The following TNNI3K variants were observed in gnomAD, a reference collection of about 807,000 sequenced individuals.
TNNI3K encodes the protein serine/threonine-protein kinase TNNI3K.
Under a neutral mutation model 114.5 loss-of-function variants are expected in TNNI3K, and 140 were observed. That is an observed-to-expected ratio of 1.22 (90% CI 1.07 to 1.41). The LOEUF (loss-of-function observed/expected upper bound fraction) is 1.41, where lower values mean the gene tolerates loss of function less well. Ranked by LOEUF, TNNI3K falls within the 40% of genes most tolerant of loss-of-function variation. The probability of loss-of-function intolerance (pLI) is 0.00; values close to 1 mark genes in which losing one functional copy is unlikely to be tolerated. For synonymous variants in TNNI3K, 347 were observed against 347.5 expected, an observed-to-expected ratio of 1.00 and a Z score of 0.02; for missense variants, 1,125 against 1,007.6, an observed-to-expected ratio of 1.12 and a Z score of -1.58.
intron 5 of TNNI3K, among the ~76,000 whole-genome samples, chr1:74,306,056 T>C (rs1395924359): frequency 6.6e-6 from 1 of 152,194 alleles, no homozygotes; most frequent in Non-Finnish European, 1.5e-5. Context: ...TTTCCATCTT[T>C]ATATCTGTGT....
intron 20 of TNNI3K, among the ~76,000 whole-genome samples, chr1:74,440,361 A>T (rs1666322833): frequency 6.6e-6 from 1 of 152,170 alleles, no homozygotes; most frequent in African/African-American, 2.4e-5. Context: ...CTTGTAAAGT[A>T]GTTGTCAAAT....
Position 74,249,651 on chromosome 1 carries a change from C to T in TNNI3K, c.235+107C>T, listed in dbSNP as rs996956760. On this transcript the variant is annotated intron_variant, in intron 3 of 24. Transcript: ENST00000326637. ...AAGAATTCTATTCATACTCAATTTT[C>T]CCTTCTGCTTTGCCTTTTCCAACCT... The T allele has an allele frequency of 8.0e-6, 9 of 1,124,426 alleles. No homozygotes were observed. The African/African-American group carries it at 1.3e-4, about 16-fold the overall frequency. The allele number at this position is 1,124,426 out of a possible 1,614,324, so 69.7% of individuals were successfully genotyped here.
intron 20 of TNNI3K, among the ~76,000 whole-genome samples, chr1:74,444,636 A>AC (rs1043630193): frequency 5.9e-5 from 9 of 152,260 alleles, no homozygotes; most frequent in African/African-American, 2.2e-4. Context: ...CAATGCTATT[A>AC]CCATTAAGTA....
intron 17 of TNNI3K, among the ~76,000 whole-genome samples, chr1:74,422,076 A>G (rs1665426811): frequency 6.6e-6 from 1 of 151,636 alleles, no homozygotes; most frequent in Admixed American, 6.6e-5. Context: ...TGAGGAGATA[A>G]ATATATACTC....
At chr1:74,289,421 G>T (rs1331109578) in intron 5 of TNNI3K, among the ~76,000 whole-genome samples, 1 of 151,914 alleles carries the variant, frequency 6.6e-6, no homozygotes, top group Non-Finnish European at 1.5e-5. Context: ...CCTAACAAAA[G>T]AGAGTAATGG....
chr1:74,347,804 G>A (rs1022447605), intron 9 of TNNI3K, among the ~76,000 whole-genome samples: 63 of 152,162 alleles, frequency 4.1e-4, no homozygotes, highest in Non-Finnish European at 8.5e-4. Flanking sequence ...GTCTTCTTTT[G>A]AGAAGTGTCT....
At chr1:74,350,054 T>C (rs1351227185) in intron 9 of TNNI3K, among the ~76,000 whole-genome samples, 2 of 152,208 alleles carry the variant, frequency 1.3e-5, no homozygotes, top group South Asian at 4.1e-4. Context: ...GTTCTTTTAA[T>C]TGTGATGTTA....
chr1:74,417,034 A>T (rs1233160273), intron 17 of TNNI3K, among the ~76,000 whole-genome samples: 1 of 152,110 alleles, frequency 6.6e-6, no homozygotes. Flanking sequence ...TGTTTAAAAG[A>T]TATCTCTGTT....
At chr1:74,410,827 T>C (rs1664846248) in intron 17 of TNNI3K, among the ~76,000 whole-genome samples, 1 of 152,222 alleles carries the variant, frequency 6.6e-6, no homozygotes, top group Non-Finnish European at 1.5e-5. Context: ...TGGTGCCTTA[T>C]GAGGAATCAC....
intron 11 of TNNI3K, among the ~76,000 whole-genome samples, chr1:74,363,240 T>C (rs1279815892): frequency 6.6e-6 from 1 of 152,024 alleles, no homozygotes; most frequent in Admixed American, 6.6e-5. Context: ...TTTGGGTTTC[T>C]TTCCATGTAC....
intron 23 of TNNI3K, among the ~76,000 whole-genome samples, chr1:74,494,057 T>C (rs45594031): frequency 1.3e-5 from 2 of 152,244 alleles, no homozygotes; most frequent in Non-Finnish European, 2.9e-5. Context: ...GCTTCATAGA[T>C]ACCCTGAAGA....
At chr1:74,354,612 A>G (rs1661562342) in intron 11 of TNNI3K, among the ~76,000 whole-genome samples, 1 of 152,244 alleles carries the variant, frequency 6.6e-6, no homozygotes, top group African/African-American at 2.4e-5. Flanking sequence ...TTGCTTAAGT[A>G]TAAAATTATC....
intron 5 of TNNI3K, among the ~76,000 whole-genome samples, chr1:74,308,610 A>G (rs2100343538): frequency 6.6e-6 from 1 of 152,284 alleles, no homozygotes; most frequent in South Asian, 2.1e-4. Context: ...CTAGAAAAAC[A>G]AGAACTTAAC....
At chr1:74,473,386 T>C (rs1006090338) in intron 21 of TNNI3K, among the ~76,000 whole-genome samples, 5 of 152,108 alleles carry the variant, frequency 3.3e-5, no homozygotes, top group African/African-American at 1.2e-4. Context: ...AATTTAAAAT[T>C]ATTTATTAGT....
intron 23 of TNNI3K, among the ~76,000 whole-genome samples, chr1:74,512,098 G>T (rs1414138897): frequency 3.3e-5 from 5 of 152,188 alleles, no homozygotes; most frequent in Non-Finnish European, 7.3e-5. Context: ...AGCATGAAAA[G>T]ATCTGGATGG....
rs1424752676 is a variant in TNNI3K, at chr1:74,492,208, AGTC to A, written c.2296_2298del (p.Arg766del). 9.9e-6 allele frequency: 16 copies of A among 1,613,020 alleles called. No individual in the cohort carries two copies. The highest frequency in any genetic ancestry group is 1.4e-5 in the Non-Finnish European group (16 of 1,179,234). ...CCGGAGTCATGTGGCAGCATTAAGA[AGTC>A]GTTTCGAATTGGAATATGCTCTAAA... is the stretch of plus-strand genomic sequence containing the variant. On this transcript the variant is annotated inframe_deletion, in exon 23 of 25. Transcript: ENST00000326637.
intron 5 of TNNI3K, among the ~76,000 whole-genome samples, chr1:74,307,052 C>T (rs753527705): frequency 2.6e-5 from 4 of 152,088 alleles, no homozygotes; most frequent in Admixed American, 6.6e-5. Flanking sequence ...GAGAGGTAAA[C>T]GTCCAGTTTT....
intron 21 of TNNI3K, 143 bp downstream of exon 21, chr1:74,463,693 A>G: frequency 2.3e-6 from 2 of 856,470 alleles, no homozygotes; most frequent in Non-Finnish European, 3.6e-6. Context: ...TTTAGTCTCT[A>G]ATTGCCTCAA....
chr1:74,278,679 T>C (rs879579648), intron 5 of TNNI3K, among the ~76,000 whole-genome samples: 2 of 152,144 alleles, frequency 1.3e-5, no homozygotes, highest in Non-Finnish European at 2.9e-5. Context: ...AGTTGCAGAG[T>C]TGTGTAATCA....
Sources: allele counts gnomAD v4.1 joint callset (sites outside exome capture counted in the v4.1 genomes callset), GRCh38; gene constraint gnomAD v4.1.1; transcripts MANE v1.5; gene names NCBI Gene and HGNC (gene_info 2026-07-23, HGNC 2026-07-21).